The following ROBO2 variants were observed in gnomAD, a reference collection of about 807,000 sequenced individuals.
ROBO2 encodes the protein roundabout homolog 2.
In ROBO2, 53 loss-of-function variants were observed where a neutral mutation model predicts 160.8. That is an observed-to-expected ratio of 0.33 (90% CI 0.26 to 0.41). The LOEUF is 0.41. Among genes scored for constraint, ROBO2 ranks in the 10% least tolerant of loss-of-function variants. ROBO2 has a pLI of 1.00. For missense variants in ROBO2, 1,577 were observed against 1,722.4 expected (o/e 0.92, Z 1.49); for synonymous variants, 664 against 611.7 (o/e 1.09, Z -1.26).
At chr3:77,397,326 G>T (rs569106083) in intron 2 of ROBO2, among the ~76,000 whole-genome samples, 27 of 152,198 alleles carry the variant, frequency 1.8e-4, no homozygotes, top group African/African-American at 6.3e-4. Context: ...ATGGTTTCTA[G>T]AATTCTCATT....
At chr3:76,290,318 G>A (rs1257226267) in intron 2 of ROBO2, among the ~76,000 whole-genome samples, 1 of 151,940 alleles carries the variant, frequency 6.6e-6, no homozygotes, top group African/African-American at 2.4e-5. Flanking sequence ...GAATTTGGTT[G>A]TTTATTTGGC....
chr3:76,109,458 G>A (rs185259291), intron 2 of ROBO2, among the ~76,000 whole-genome samples: 2 of 152,004 alleles, frequency 1.3e-5, no homozygotes, highest in East Asian at 3.9e-4. Flanking sequence ...AAATATGCAC[G>A]GCAAAGCAGG....
chr3:76,847,464 G>T (rs936969347), intron 2 of ROBO2, among the ~76,000 whole-genome samples: 1 of 152,128 alleles, frequency 6.6e-6, no homozygotes, highest in Non-Finnish European at 1.5e-5. Flanking sequence ...GAGAGAACTG[G>T]TAAGAACACC....
intron 2 of ROBO2, among the ~76,000 whole-genome samples, chr3:77,110,068 G>C (rs1331488160): frequency 6.6e-6 from 1 of 152,080 alleles, no homozygotes; most frequent in African/African-American, 2.4e-5. Context: ...ACATTTGAGA[G>C]CTCATTAGTT....
intron 2 of ROBO2, among the ~76,000 whole-genome samples, chr3:76,368,066 A>G (rs1306198143): frequency 6.6e-6 from 1 of 151,998 alleles, no homozygotes; most frequent in Non-Finnish European, 1.5e-5. Context: ...ATATATTACT[A>G]TTGAATGAAA....
chr3:77,425,195 G>GAAAA (rs147560096), intron 2 of ROBO2, among the ~76,000 whole-genome samples: 5 of 104,482 alleles, frequency 4.8e-5, no homozygotes, highest in Non-Finnish European at 8.6e-5. Flanking sequence ...GCAATGGCAA[G>GAAAA]AAAAAAAAAA....
chr3:76,144,187 A>G (rs2071797345), intron 2 of ROBO2, among the ~76,000 whole-genome samples: 1 of 152,046 alleles, frequency 6.6e-6, no homozygotes, highest in Non-Finnish European at 1.5e-5. Flanking sequence ...GCAATTATTA[A>G]CACTAATACA....
At chr3:76,815,965 C>G (rs2065632232) in intron 2 of ROBO2, among the ~76,000 whole-genome samples, 1 of 152,098 alleles carries the variant, frequency 6.6e-6, no homozygotes, top group African/African-American at 2.4e-5. Context: ...CAGCTTGTAG[C>G]TTTTCTCATT....
Position 76,827,418 on chromosome 3 carries a change from A to G in ROBO2, c.110-270596A>G, listed in dbSNP as rs536357148. On this transcript the variant is annotated intron_variant, in intron 2 of 26. Coordinates refer to the ROBO2 transcript ENST00000487694. ...TTCATTTGTTTTCTCCCCATAACCCATGAAGTTTAAGATAATCCCTATTCT... is the reference window on the plus strand; with the variant it reads ...TTCATTTGTTTTCTCCCCATAACCCGTGAAGTTTAAGATAATCCCTATTCT... 2.0e-5 allele frequency among the ~76,000 whole-genome samples: 3 copies of G among 152,296 alleles called. No individual in the cohort carries two copies. In the South Asian group the frequency reaches 6.2e-4, roughly 32 times the overall value.
At chr3:77,261,196 T>G (rs2058749833) in intron 2 of ROBO2, among the ~76,000 whole-genome samples, 1 of 152,050 alleles carries the variant, frequency 6.6e-6, no homozygotes, top group Non-Finnish European at 1.5e-5. Context: ...CAAAGCCAAG[T>G]AGGGAGACAG....
At chr3:76,565,006 AG>A in intron 2 of ROBO2, among the ~76,000 whole-genome samples, 1 of 152,182 alleles carries the variant, frequency 6.6e-6, no homozygotes, top group East Asian at 1.9e-4. Flanking sequence ...GGTACAAAAA[AG>A]TTTTCAGACC....
chr3:76,661,566 A>G, intron 2 of ROBO2, among the ~76,000 whole-genome samples: 1 of 152,144 alleles, frequency 6.6e-6, no homozygotes, highest in Non-Finnish European at 1.5e-5. Context: ...TCAGTCTGGA[A>G]AGGTGGGATA....
At chr3:77,378,334 A>G (rs1158447518) in intron 2 of ROBO2, among the ~76,000 whole-genome samples, 2 of 152,174 alleles carry the variant, frequency 1.3e-5, no homozygotes, top group Non-Finnish European at 2.9e-5. Flanking sequence ...CCTATAAGGT[A>G]GGTGATGATG....
chr3:77,132,751 A>G (rs943418024), intron 2 of ROBO2, among the ~76,000 whole-genome samples: 4 of 151,824 alleles, frequency 2.6e-5, no homozygotes, highest in Non-Finnish European at 1.5e-5. Flanking sequence ...GAAAATGTCT[A>G]CAATACTGTG....
chr3:76,893,015 G>T (rs999556902), intron 2 of ROBO2, among the ~76,000 whole-genome samples: 4 of 152,066 alleles, frequency 2.6e-5, no homozygotes, highest in Non-Finnish European at 5.9e-5. Context: ...AAGATAAATA[G>T]CTATTCTGTT....
chr3:76,478,394 T>C (rs1184365146), intron 2 of ROBO2, among the ~76,000 whole-genome samples: 5 of 151,828 alleles, frequency 3.3e-5, no homozygotes, highest in Non-Finnish European at 7.4e-5. Flanking sequence ...TTCCATGGTG[T>C]ATATGTGCCA....
chr3:76,299,122 A>G (rs1380293985), intron 2 of ROBO2, among the ~76,000 whole-genome samples: 1 of 152,242 alleles, frequency 6.6e-6, no homozygotes, highest in East Asian at 1.9e-4. Context: ...CAAGGAGCTC[A>G]CATTGTATTC....
chr3:76,277,349 T>C (rs1201027087), intron 2 of ROBO2, among the ~76,000 whole-genome samples: 2 of 151,972 alleles, frequency 1.3e-5, no homozygotes, highest in Non-Finnish European at 2.9e-5. Context: ...AATGCTGTGC[T>C]TTGATTACAA....
intron 2 of ROBO2, among the ~76,000 whole-genome samples, chr3:77,445,377 A>G (rs1193783217): frequency 6.6e-6 from 1 of 152,124 alleles, no homozygotes; most frequent in Non-Finnish European, 1.5e-5. Flanking sequence ...TATTAAACAG[A>G]AAGCTTATTT....
Sources: gnomAD v4.1 joint callset for allele counts (sites outside exome capture counted in the v4.1 genomes callset) on GRCh38, gnomAD v4.1.1 for gene constraint, MANE v1.5 for transcripts, NCBI Gene and HGNC (gene_info 2026-07-23, HGNC 2026-07-21) for gene names.